NELL1: variants seen among roughly 807,000 people sequenced by gnomAD.
NELL1 encodes protein kinase C-binding protein NELL1.
NELL1 carries 76 observed loss-of-function variants against 107.4 expected under a neutral mutation model. The observed-to-expected ratio is 0.71, with a 90% CI of 0.59 to 0.86. The LOEUF (loss-of-function observed/expected upper bound fraction) is 0.86, where lower values mean the gene tolerates loss of function less well. Among genes scored for constraint, NELL1 ranks in the 40% least tolerant of loss-of-function variants. The probability of loss-of-function intolerance (pLI) is 0.00; values close to 1 mark genes in which losing one functional copy is unlikely to be tolerated. For missense variants in NELL1, 1,024 were observed against 1,005.5 expected, an observed-to-expected ratio of 1.02 and a Z score of -0.25; for synonymous variants, 353 against 341.2, an observed-to-expected ratio of 1.03 and a Z score of -0.38.
At chr11:21,567,032 G>A (rs189159176) in intron 17 of NELL1, among the ~76,000 whole-genome samples, 1 of 151,868 alleles carries the variant, frequency 6.6e-6, no homozygotes, top group Admixed American at 6.6e-5. Context: ...GAAGAAAACT[G>A]ACATTCTTAT....
intron 13 of NELL1, among the ~76,000 whole-genome samples, chr11:21,181,675 G>A (rs1160529519): frequency 6.6e-6 from 1 of 151,886 alleles, no homozygotes; most frequent in African/African-American, 2.4e-5. Flanking sequence ...GATGGGAAAT[G>A]TTCACACTTA....
At chr11:21,300,386 C>T (rs1849467707) in intron 14 of NELL1, among the ~76,000 whole-genome samples, 1 of 151,914 alleles carries the variant, frequency 6.6e-6, no homozygotes, top group Admixed American at 6.6e-5. Flanking sequence ...GAGGTAGGAC[C>T]TGGAGGCCAG....
At chr11:21,437,784 T>C (rs990425520) in intron 15 of NELL1, among the ~76,000 whole-genome samples, 2 of 152,250 alleles carry the variant, frequency 1.3e-5, no homozygotes, top group African/African-American at 4.8e-5. Flanking sequence ...TTTCAGTCTA[T>C]ACTTACAAGT....
intron 5 of NELL1, among the ~76,000 whole-genome samples, chr11:20,915,005 T>C (rs1049190535): frequency 6.6e-6 from 1 of 152,092 alleles, no homozygotes; most frequent in Admixed American, 6.6e-5. Flanking sequence ...TGGTTCAGTA[T>C]TGTATAATTC....
chr11:20,782,536 A>G (rs1056541819), intron 2 of NELL1, among the ~76,000 whole-genome samples: 1 of 152,230 alleles, frequency 6.6e-6, no homozygotes, highest in Admixed American at 6.5e-5. Flanking sequence ...CGAGGTCAAG[A>G]ATTGAAGGAT....
chr11:20,847,449 G>A (rs1318649324), intron 3 of NELL1, 134 bp from the exon 4 acceptor site: 3 of 842,878 alleles, frequency 3.6e-6, no homozygotes, highest in Non-Finnish European at 5.4e-6. Context: ...GAATTGACTT[G>A]AGGTCTTGGC....
Position 20,689,212 on chromosome 11 carries a change from T to C in NELL1, c.184+11152T>C, listed in dbSNP as rs182057984. On this transcript the variant is annotated intron_variant, in intron 2 of 19. Coordinates refer to ENST00000357134, the MANE Select transcript of NELL1 (RefSeq NM_006157.5). The stretch of plus-strand genomic sequence containing the variant: ...ATGCATAGTTTGCAAATATTTTCTC[T>C]CATTGTGTATGCTGCCTGTTTACTC... Among the ~76,000 whole-genome samples, 149 of 152,176 alleles carry C rather than the reference T, an allele frequency of 9.8e-4. 1 individual carries two copies. Among genetic ancestry groups the C allele is most frequent in the Non-Finnish European group, 1.6e-3 (109 of 67,988 alleles).
chr11:21,361,142 C>A (rs1316286518), intron 14 of NELL1, among the ~76,000 whole-genome samples: 1 of 151,252 alleles, frequency 6.6e-6, no homozygotes, highest in African/African-American at 2.4e-5. Context: ...TTTACCATTT[C>A]TTGTAATGCT....
chr11:21,156,619 A>T (rs1856241721), intron 13 of NELL1, among the ~76,000 whole-genome samples: 1 of 152,178 alleles, frequency 6.6e-6, no homozygotes, highest in Non-Finnish European at 1.5e-5. Context: ...AAGAGATGGC[A>T]GTACCCAGCA....
intron 14 of NELL1, among the ~76,000 whole-genome samples, chr11:21,285,876 A>C (rs1174799298): frequency 2.6e-5 from 4 of 152,340 alleles, no homozygotes; most frequent in African/African-American, 9.6e-5. Flanking sequence ...TTAAAGTTAT[A>C]GTTGGGAGAC....
At chr11:20,754,399 T>C (rs11824333) in intron 2 of NELL1, among the ~76,000 whole-genome samples, 1 of 152,328 alleles carries the variant, frequency 6.6e-6, no homozygotes, top group South Asian at 2.1e-4. Context: ...GGATGAACCC[T>C]AGGGCCATGC....
chr11:21,104,592 C>G (rs1315234822), intron 12 of NELL1, among the ~76,000 whole-genome samples: 1 of 152,190 alleles, frequency 6.6e-6, no homozygotes, highest in African/African-American at 2.4e-5. Flanking sequence ...TTGAAGAAGA[C>G]TTCTTTACCA....
At position 20,825,339 on chromosome 11, in the gene NELL1, G is replaced by A. The variant is rs1590329166; in HGVS notation, c.336-22244G>A. On this transcript the variant is annotated intron_variant, in intron 3 of 19. Coordinates refer to ENST00000357134, the MANE Select transcript of NELL1 (RefSeq NM_006157.5). The stretch of plus-strand genomic sequence containing the variant: ...GCAACTGTCCTCCAGACCCCAGAAT[G>A]GTAGATCTACCGACATCTTGTGCCA... Among the ~76,000 whole-genome samples, 4 of 151,272 alleles carry A rather than the reference G, an allele frequency of 2.6e-5. 1 individual carries two copies. The South Asian group carries it at 8.3e-4, about 31-fold the overall frequency.
chr11:21,490,310 C>T (rs1854767028), intron 15 of NELL1, among the ~76,000 whole-genome samples: 1 of 151,840 alleles, frequency 6.6e-6, no homozygotes, highest in Non-Finnish European at 1.5e-5. Flanking sequence ...AATTGAAAGA[C>T]ATTACATGCT....
chr11:21,336,115 C>T (rs988930593), intron 14 of NELL1, among the ~76,000 whole-genome samples: 8 of 151,926 alleles, frequency 5.3e-5, no homozygotes, highest in East Asian at 1.9e-4. Context: ...ATGTCAAAGC[C>T]TCAGTGTTTT....
intron 19 of NELL1, 82 bp downstream of exon 19, chr11:21,573,491 A>T (rs1857151799): frequency 5.1e-6 from 6 of 1,182,408 alleles, no homozygotes; most frequent in Middle Eastern, 2.9e-4. Context: ...GATGTTTCTG[A>T]ATACACAGGT....
intron 13 of NELL1, among the ~76,000 whole-genome samples, chr11:21,129,428 G>A (rs1024970074): frequency 6.6e-6 from 1 of 152,140 alleles, no homozygotes; most frequent in Non-Finnish European, 1.5e-5. Flanking sequence ...CAAAAGAATT[G>A]AAAGTAGGGT....
intron 15 of NELL1, among the ~76,000 whole-genome samples, chr11:21,412,672 A>G (rs1470156330): frequency 2.6e-5 from 4 of 152,142 alleles, no homozygotes. Flanking sequence ...TCAGTCTCAG[A>G]GAAGTTTACC....
intron 13 of NELL1, among the ~76,000 whole-genome samples, chr11:21,119,228 A>G (rs1252347177): frequency 6.6e-6 from 1 of 151,996 alleles, no homozygotes; most frequent in Non-Finnish European, 1.5e-5. Flanking sequence ...AAGAAGGAAA[A>G]CCAAACTAGT....
Sources: allele counts gnomAD v4.1 joint callset (sites outside exome capture counted in the v4.1 genomes callset), GRCh38; gene constraint gnomAD v4.1.1; transcripts MANE v1.5; gene names NCBI Gene and HGNC (gene_info 2026-07-23, HGNC 2026-07-21).